The following CTDSP1 variants were observed in gnomAD, a reference collection of about 807,000 sequenced individuals.
CTDSP1 encodes the protein carboxy-terminal domain RNA polymerase II polypeptide A small phosphatase 1.
A neutral mutation model predicts 32.5 loss-of-function variants in CTDSP1; 15 were observed. The observed-to-expected ratio is 0.46, with a 90% confidence interval of 0.31 to 0.71. CTDSP1 has a LOEUF of 0.71. Ranked by LOEUF, CTDSP1 falls within the 30% of genes least tolerant of loss-of-function variation. CTDSP1 has a pLI of 0.05. For missense variants in CTDSP1, 294 were observed against 351.1 expected (o/e 0.84, Z 1.30); for synonymous variants, 185 against 145.4 (o/e 1.27, Z -1.96).
intron 6 of CTDSP1, 124 bp downstream of exon 6, chr2:218,403,541 C>A: frequency 2.5e-6 from 2 of 807,594 alleles, no homozygotes; most frequent in East Asian, 2.7e-5. Flanking sequence ...GTCCTTCCTG[C>A]ATTCATTGCC....
Position 218,404,558 on chromosome 2 carries a change from C to A in CTDSP1, c.*133C>A. On this transcript the variant is annotated 3_prime_UTR_variant, in exon 7 of 7. Coordinates refer to ENST00000273062, the MANE Select transcript of CTDSP1 (RefSeq NM_021198.3). ...CAGTGCCATGGGGAAGCGGGCGTCT[C>A]CCCCACCAGCCCCACCAGGCGGTGT... 7.2e-6 allele frequency: 8 copies of A among 1,113,414 alleles called. No individual in the cohort carries two copies. The highest frequency in any genetic ancestry group is 2.5e-5 in the East Asian group (1 of 39,808). The allele number at this position is 1,113,414 out of a possible 1,614,324, so 69.0% of individuals were successfully genotyped here.
At chr2:218,398,424 C>G (rs377006558), upstream of CTDSP1, 41 of 1,535,234 alleles carry the variant, frequency 2.7e-5, 1 homozygote, top group South Asian at 4.6e-4. Flanking sequence ...TGGTGGCCGC[C>G]CCGTGGGCTA....
At chr2:218,400,298 C>G in intron 1 of CTDSP1, 141 bp downstream of exon 1, 1 of 807,632 alleles carries the variant, frequency 1.2e-6, no homozygotes. Flanking sequence ...CGAGAGGGAG[C>G]AGGGAGAGAG....
chr2:218,402,619 G>A (rs368390101), intron 4 of CTDSP1: 60 of 761,024 alleles, frequency 7.9e-5, no homozygotes, highest in African/African-American at 6.9e-4. Flanking sequence ...AGGCTCCCCC[G>A]TGCTGTGCTC....
upstream of CTDSP1, chr2:218,399,793 AG>A (rs1697009810): frequency 9.1e-7 from 1 of 1,096,592 alleles, no homozygotes; most frequent in South Asian, 4.3e-5. Flanking sequence ...CGAAAGCCGC[AG>A]CCGAGTCCAG....
chr2:218,400,553 C>T (rs1697071818), intron 1 of CTDSP1: 1 of 370,200 alleles, frequency 2.7e-6, no homozygotes, highest in Non-Finnish European at 5.3e-6. Flanking sequence ...CCCACCCCCA[C>T]CCCCCCGGGC....
chr2:218,398,012 G>A (rs552174653), upstream of CTDSP1, among the ~76,000 whole-genome samples: 2 of 152,162 alleles, frequency 1.3e-5, no homozygotes, highest in African/African-American at 4.8e-5. Context: ...GGGAATGGTG[G>A]GTGTGGGGAC....
upstream of CTDSP1, chr2:218,396,413 C>CT (rs1696770891): frequency 6.6e-6 from 1 of 152,438 alleles, no homozygotes; most frequent in South Asian, 2.1e-4. Context: ...GAGAGGCCAA[C>CT]AGGCCTTTCC....
At chr2:218,402,618 C>T (rs753166998) in intron 4 of CTDSP1, 20 of 758,702 alleles carry the variant, frequency 2.6e-5, no homozygotes, top group Admixed American at 3.6e-5. Flanking sequence ...TAGGCTCCCC[C>T]GTGCTGTGCT....
rs1022034392 is a variant in CTDSP1 at position 218,405,160 on chromosome 2, C to G, written c.*735C>G. On this transcript the variant is annotated 3_prime_UTR_variant, in exon 7 of 7. Transcript: ENST00000273062. ...AGCGTGGGGGCATAGGCAGGACCCCCCTTGTGGTGCCATATAAATATGTAC... is the reference window on the plus strand; with the variant it reads ...AGCGTGGGGGCATAGGCAGGACCCCGCTTGTGGTGCCATATAAATATGTAC... The G allele has an allele frequency of 6.5e-6, 1 of 152,788 alleles. No individual in the cohort carries two copies. Among genetic ancestry groups the G allele is most frequent in the Non-Finnish European group, 1.5e-5 (1 of 68,090 alleles). 9.5% of individuals were successfully genotyped at this position (152,788 alleles called of 1,614,324 possible).
At chr2:218,399,128 A>C (rs1015701480), upstream of CTDSP1, 2 of 152,228 alleles carry the variant, frequency 1.3e-5, no homozygotes, top group Non-Finnish European at 2.9e-5. Context: ...CATTTCCTCG[A>C]GGTCGGTGGA....
At chr2:218,398,183 G>A (rs1018489873), upstream of CTDSP1, 19 of 544,868 alleles carry the variant, frequency 3.5e-5, no homozygotes, top group Non-Finnish European at 5.6e-5. Flanking sequence ...CCCCACCCAG[G>A]GGGCCGGACC....
In CTDSP1 at chr2:218,404,332, C is replaced by T. The variant is rs1697306783; in HGVS notation, c.693C>T (p.Asp231=). The change falls in exon 7 of 7, where the codon GAC becomes GAT. Residue 231 remains aspartate, a synonymous_variant. Coordinates refer to ENST00000273062, the MANE Select transcript of CTDSP1 (RefSeq NM_021198.3). ...PVASWFDNMS[D]TELHDLLPFF... ...CCTCGTGGTTTGACAACATGAGTGA[C>T]ACAGAGCTCCACGACCTCCTCCCCT... is the stretch of plus-strand genomic sequence containing the variant. 6.2e-7 allele frequency: 1 copy of T among 1,614,086 alleles called. No homozygotes were observed. The highest frequency in any genetic ancestry group is 1.1e-5 in the South Asian group (1 of 91,094).
At chr2:218,398,495 A>C, upstream of CTDSP1, 1 of 1,469,606 alleles carries the variant, frequency 6.8e-7, no homozygotes, top group Non-Finnish European at 9.0e-7. Context: ...AGTCCCCGAC[A>C]GTCCCCTCCC....
At chr2:218,398,650 C>A, upstream of CTDSP1, 1 of 403,626 alleles carries the variant, frequency 2.5e-6, no homozygotes, top group Non-Finnish European at 4.3e-6. Flanking sequence ...CCGCGTCGCA[C>A]CCGGCGGCCG....
chr2:218,399,975 G>C lies in CTDSP1; in HGVS notation c.-116G>C. The C allele has an allele frequency of 1.0e-6, 1 of 991,382 alleles. No individual in the cohort carries two copies. The highest frequency in any genetic ancestry group is 1.2e-6 in the Non-Finnish European group (1 of 813,178). The allele number at this position is 991,382 out of a possible 1,614,324, so 61.4% of individuals were successfully genotyped here. A position where few individuals can be genotyped will look rare whatever the true frequency, so the allele number is the denominator to read the frequency against. On this transcript the variant is annotated 5_prime_UTR_variant, in exon 1 of 7. Transcript: ENST00000273062. ...GGCTCCCCTCCCCTCCGGAGCTCGC[G>C]GGGATCCCTCCCTCCCACCCCTCCC...
At position 218,403,243 on chromosome 2, in the gene CTDSP1, A is replaced by C; in HGVS notation, c.483A>C (p.Pro161=). ...FTASLAKYAD[P]VADLLDKWGA... The stretch of plus-strand genomic sequence containing the variant: ...CCTCCTGCTCCCAGTACGCAGACCC[A>C]GTAGCTGACCTGCTGGACAAATGGG... The change falls in exon 6 of 7, where the codon CCA becomes CCC. Residue 161 remains proline (P), a synonymous_variant. Coordinates refer to ENST00000273062, the MANE Select transcript of CTDSP1 (RefSeq NM_021198.3). 6.2e-7 allele frequency: 1 copy of C among 1,612,906 alleles called. No individual in the cohort carries two copies. The highest frequency in any genetic ancestry group is 2.2e-5 in the East Asian group (1 of 44,870).
chr2:218,399,471 T>G (rs1325510552), upstream of CTDSP1: 1 of 151,984 alleles, frequency 6.6e-6, no homozygotes, highest in East Asian at 1.9e-4. Context: ...ATTTTACAGA[T>G]GAGGTAGTGC....
intron 4 of CTDSP1, 26 bp from the exon 5 acceptor site, chr2:218,403,009 A>C (rs745672299): frequency 6.4e-7 from 1 of 1,563,740 alleles, no homozygotes; most frequent in East Asian, 2.2e-5. Flanking sequence ...ACTGGCCCGC[A>C]GCCCCCTCAC....
Sources: allele counts gnomAD v4.1 joint callset (sites outside exome capture counted in the v4.1 genomes callset), GRCh38; gene constraint gnomAD v4.1.1; transcripts MANE v1.5; gene names NCBI Gene and HGNC (gene_info 2026-07-23, HGNC 2026-07-21).